Variants in DCC observed in about 807,000 individuals in gnomAD.
The protein encoded by DCC is netrin receptor DCC.
In DCC, 58 loss-of-function variants were observed where a neutral mutation model predicts 172.5. The ratio of observed to expected loss-of-function variants is 0.34; its 90% CI spans 0.27 to 0.42. The LOEUF is 0.42. Among genes scored for constraint, DCC ranks in the 10% least tolerant of loss-of-function variants. The pLI, the probability that DCC is intolerant of heterozygous loss-of-function variation, is 1.00. For missense variants in DCC, 1,740 were observed against 1,791.0 expected (o/e 0.97, Z 0.51); for synonymous variants, 709 against 644.5 (o/e 1.10, Z -1.52).
At chr18:52,809,635 G>A (rs555337262) in intron 2 of DCC, among the ~76,000 whole-genome samples, 1 of 152,188 alleles carries the variant, frequency 6.6e-6, no homozygotes, top group East Asian at 1.9e-4. Flanking sequence ...GAAATCAGCA[G>A]TGGGTCTGTG....
At chr18:52,947,790 T>C (rs1410178485) in intron 5 of DCC, among the ~76,000 whole-genome samples, 2 of 152,154 alleles carry the variant, frequency 1.3e-5, no homozygotes, top group African/African-American at 4.8e-5. Flanking sequence ...CCATTCCCAG[T>C]GCAGGACAAC....
intron 1 of DCC, among the ~76,000 whole-genome samples, chr18:52,726,240 A>G (rs554919888): frequency 6.6e-6 from 1 of 152,322 alleles, no homozygotes; most frequent in East Asian, 1.9e-4. Context: ...AATGGCAGAG[A>G]TCAGGTTCAA....
chr18:52,718,484 T>A (rs2036424384), intron 1 of DCC, among the ~76,000 whole-genome samples: 1 of 152,142 alleles, frequency 6.6e-6, no homozygotes, highest in Admixed American at 6.5e-5. Context: ...GCCTTATTTC[T>A]TTGAAGCTCT....
intron 7 of DCC, among the ~76,000 whole-genome samples, chr18:53,145,104 G>GC (rs2043886771): frequency 1.7e-5 from 1 of 57,574 alleles, no homozygotes; most frequent in Admixed American, 3.1e-4. Flanking sequence ...TGAGGGCTCT[G>GC]CTTTTTTTTT....
intron 2 of DCC, among the ~76,000 whole-genome samples, chr18:52,783,321 C>CTTTTTTTTTT (rs1568100450): frequency 1.6e-5 from 1 of 62,122 alleles, no homozygotes; most frequent in African/African-American, 6.3e-5. Flanking sequence ...TATACTACTA[C>CTTTTTTTTTT]TCTTTTTTTT....
chr18:52,631,913 A>G (rs1418673486), intron 1 of DCC, among the ~76,000 whole-genome samples: 1 of 152,204 alleles, frequency 6.6e-6, no homozygotes, highest in Non-Finnish European at 1.5e-5. Context: ...GCATTAAGGT[A>G]AAGAAAAACA....
chr18:52,879,387 AATTTCT>A (rs1421507542), intron 2 of DCC, among the ~76,000 whole-genome samples: 1 of 134,362 alleles, frequency 7.4e-6, no homozygotes, highest in African/African-American at 2.8e-5. Flanking sequence ...CTATACATGA[AATTTCT>A]AGCCCATATG....
chr18:52,998,559 A>G (rs1245547122), intron 5 of DCC, among the ~76,000 whole-genome samples: 2 of 152,054 alleles, frequency 1.3e-5, no homozygotes, highest in African/African-American at 4.8e-5. Flanking sequence ...CCAGGACTCC[A>G]GTATAATGGA....
chr18:52,716,260 C>G (rs763923877), intron 1 of DCC, among the ~76,000 whole-genome samples: 2 of 152,228 alleles, frequency 1.3e-5, no homozygotes, highest in Non-Finnish European at 2.9e-5. Flanking sequence ...TAATCTGGCA[C>G]GTTGGCGGTT....
intron 12 of DCC, among the ~76,000 whole-genome samples, chr18:53,273,883 A>G (rs1341490352): frequency 1.3e-5 from 2 of 152,044 alleles, no homozygotes; most frequent in Admixed American, 6.6e-5. Context: ...GCACCAGCAC[A>G]TGTACTCCAC....
In DCC at chr18:53,159,203, T is replaced by C. The variant is rs536321247; in HGVS notation, c.1418+1691T>C. 9.7e-4 allele frequency among the ~76,000 whole-genome samples: 148 copies of C among 152,276 alleles called. 1 individual carries two copies. The highest frequency in any genetic ancestry group is 3.4e-3 in the African/African-American group (143 of 41,560). On this transcript the variant is annotated intron_variant, in intron 8 of 28. Transcript: ENST00000442544. Reference sequence around the variant, plus strand: ...CTTGCCCAGTCATCATGTTTTTACATGGATTTCCTGGAGGTACCTTAAATT... The same window carrying C: ...CTTGCCCAGTCATCATGTTTTTACACGGATTTCCTGGAGGTACCTTAAATT...
At chr18:52,509,066 T>C (rs1439361102) in intron 1 of DCC, among the ~76,000 whole-genome samples, 1 of 152,232 alleles carries the variant, frequency 6.6e-6, no homozygotes, top group East Asian at 1.9e-4. Context: ...TTGAAGTAAG[T>C]GTGGAAGAAC....
At chr18:53,389,751 A>T (rs1022146784) in intron 16 of DCC, among the ~76,000 whole-genome samples, 1 of 152,124 alleles carries the variant, frequency 6.6e-6, no homozygotes, top group African/African-American at 2.4e-5. Context: ...TCTGGAACTG[A>T]CTCCAAGAAA....
At position 53,065,027 on chromosome 18, in the gene DCC, T is replaced by C. The variant is rs187750882; in HGVS notation, c.1141-1019T>C. Reference sequence around the variant, plus strand: ...ATAGGTGAAAGAAAATGTAAGGTATTGCCCGATTTGCATTAAATTGTGCTT... The same window carrying C: ...ATAGGTGAAAGAAAATGTAAGGTATCGCCCGATTTGCATTAAATTGTGCTT... On this transcript the variant is annotated intron_variant, in intron 6 of 28. Transcript: ENST00000442544. 2.0e-5 allele frequency among the ~76,000 whole-genome samples: 3 copies of C among 152,294 alleles called. No homozygotes were observed. In the East Asian group the frequency reaches 5.8e-4, roughly 29 times the overall value.
intron 5 of DCC, among the ~76,000 whole-genome samples, chr18:52,990,601 A>T (rs2041373743): frequency 6.6e-6 from 1 of 151,386 alleles, no homozygotes; most frequent in South Asian, 2.1e-4. Context: ...TACAAAAATG[A>T]TCAAAGAGAT....
chr18:53,272,626 C>T (rs1025095333), intron 12 of DCC, among the ~76,000 whole-genome samples: 6 of 152,102 alleles, frequency 3.9e-5, no homozygotes, highest in African/African-American at 1.4e-4. Context: ...CACATAGTCA[C>T]TTATATATTC....
chr18:53,316,095 T>C (rs909633198), intron 13 of DCC, among the ~76,000 whole-genome samples: 1 of 152,204 alleles, frequency 6.6e-6, no homozygotes, highest in Non-Finnish European at 1.5e-5. Flanking sequence ...AGGTCTTACA[T>C]TTAAGTCTTT....
intron 1 of DCC, among the ~76,000 whole-genome samples, chr18:52,467,204 AC>A (rs1988811730): frequency 6.7e-6 from 1 of 148,538 alleles, no homozygotes; most frequent in Admixed American, 6.7e-5. Flanking sequence ...CTAGTCCCCC[AC>A]CCCCCGACAG....
chr18:52,816,037 A>G (rs750685426), intron 2 of DCC, among the ~76,000 whole-genome samples: 4 of 152,216 alleles, frequency 2.6e-5, no homozygotes, highest in Non-Finnish European at 5.9e-5. Flanking sequence ...GTGCCCTTGC[A>G]TTGTGTCAGA....
Sources: allele counts gnomAD v4.1 joint callset (sites outside exome capture counted in the v4.1 genomes callset), GRCh38; gene constraint gnomAD v4.1.1; transcripts MANE v1.5; gene names NCBI Gene and HGNC (gene_info 2026-07-23, HGNC 2026-07-21).